The following TBX15 variants were observed in gnomAD, a reference collection of about 807,000 sequenced individuals.
The protein encoded by TBX15 is T-box transcription factor 15.
TBX15 carries 18 observed loss-of-function variants against 53.9 expected under a neutral mutation model. The observed-to-expected ratio is 0.33, with a 90% CI of 0.23 to 0.49. The LOEUF (loss-of-function observed/expected upper bound fraction) is 0.49, where lower values mean the gene tolerates loss of function less well. TBX15 is among the 20% of genes least tolerant of loss of function. The pLI, the probability that TBX15 is intolerant of heterozygous loss-of-function variation, is 0.98. For missense variants in TBX15, 692 were observed against 749.5 expected (o/e 0.92, Z 0.90); for synonymous variants, 295 against 278.0 (o/e 1.06, Z -0.61).
chr1:118,952,390 G>A (rs557547808), intron 1 of TBX15, among the ~76,000 whole-genome samples: 3 of 151,866 alleles, frequency 2.0e-5, no homozygotes, highest in East Asian at 3.9e-4. Flanking sequence ...TTTTTCAAGG[G>A]TCAATAATAC....
Position 118,884,611 on chromosome 1 carries a change from A to T in TBX15, c.*121T>A. The T allele has an allele frequency of 8.0e-7, 1 of 1,256,932 alleles. No individual in the cohort carries two copies. The highest frequency in any genetic ancestry group is 1.1e-6 in the Non-Finnish European group (1 of 923,468). The allele number at this position is 1,256,932 out of a possible 1,614,324, so 77.9% of individuals were successfully genotyped here. A position where few individuals can be genotyped will look rare whatever the true frequency, so the allele number is the denominator to read the frequency against. On this transcript the variant is annotated 3_prime_UTR_variant, in exon 8 of 8. Transcript: ENST00000369429. ...GGGTATATGTCTTCGGCCAGAAAAA[A>T]AAAAAAAAAAAAAACACGGTTCCTG...
At position 118,884,546 on chromosome 1, in the gene TBX15, G is replaced by T. The variant is rs771555987; in HGVS notation, c.*186C>A. ...CCACTGAGTTGCGGATGATTCTATC[G>T]CAAGTATCCTTCACTGGCTTAAAGG... On this transcript the variant is annotated 3_prime_UTR_variant, in exon 8 of 8. Coordinates refer to ENST00000369429, the MANE Select transcript of TBX15 (RefSeq NM_001330677.2). 5.6e-5 allele frequency: 39 copies of T among 698,318 alleles called. No homozygotes were observed. The highest frequency in any genetic ancestry group is 7.9e-5 in the Non-Finnish European group (34 of 432,040). 43.3% of individuals were successfully genotyped at this position (698,318 alleles called of 1,614,324 possible). A position where few individuals can be genotyped will look rare whatever the true frequency, so the allele number is the denominator to read the frequency against.
At chr1:118,962,546 G>C (rs542946367) in intron 1 of TBX15, among the ~76,000 whole-genome samples, 1 of 152,038 alleles carries the variant, frequency 6.6e-6, no homozygotes, top group Non-Finnish European at 1.5e-5. Context: ...AACTGATAAG[G>C]CTTCATGAAC....
At chr1:118,971,035 T>C (rs1206836423) in intron 1 of TBX15, among the ~76,000 whole-genome samples, 2 of 152,206 alleles carry the variant, frequency 1.3e-5, no homozygotes, top group African/African-American at 4.8e-5. Context: ...TAGTTTCAGA[T>C]TGCTTTTTAT....
At chr1:118,905,558 C>T (rs546511058) in intron 6 of TBX15, among the ~76,000 whole-genome samples, 9 of 152,354 alleles carry the variant, frequency 5.9e-5, no homozygotes, top group African/African-American at 2.2e-4. Flanking sequence ...CTGCCAGAAT[C>T]CAGCACAGGG....
intron 6 of TBX15, among the ~76,000 whole-genome samples, chr1:118,912,829 A>T (rs1307616164): frequency 1.3e-5 from 2 of 152,198 alleles, no homozygotes; most frequent in Non-Finnish European, 2.9e-5. Context: ...TGTAGTCCAT[A>T]AGCCTGAGTT....
chr1:118,906,392 G>T (rs993680498), intron 6 of TBX15, among the ~76,000 whole-genome samples: 11 of 152,068 alleles, frequency 7.2e-5, no homozygotes, highest in African/African-American at 2.7e-4. Context: ...AAACAAACTG[G>T]CCCTGGGATT....
intron 1 of TBX15, among the ~76,000 whole-genome samples, chr1:118,987,215 G>A (rs959159744): frequency 6.6e-6 from 1 of 152,198 alleles, no homozygotes; most frequent in Non-Finnish European, 1.5e-5. Context: ...CAGTCCTCCC[G>A]AGTTCTCAGA....
Position 118,939,210 on chromosome 1 carries a change from C to A in TBX15, c.206-7378G>T, listed in dbSNP as rs539690908. Among the ~76,000 whole-genome samples, 5 of 151,678 alleles carry A rather than the reference C, an allele frequency of 3.3e-5. No homozygotes were observed. The East Asian group carries it at 9.7e-4, about 29-fold the overall frequency. ...TCGCTTGAGCCCAGGAGTTTGAGACCAGCCTGGGCAACATGGCAAAGCCCT... is the reference window on the plus strand; with the variant it reads ...TCGCTTGAGCCCAGGAGTTTGAGACAAGCCTGGGCAACATGGCAAAGCCCT... On this transcript the variant is annotated intron_variant, in intron 1 of 7. Coordinates refer to ENST00000369429, the MANE Select transcript of TBX15 (RefSeq NM_001330677.2).
intron 7 of TBX15, among the ~76,000 whole-genome samples, chr1:118,896,647 G>A (rs1654438412): frequency 1.3e-5 from 2 of 152,122 alleles, no homozygotes; most frequent in Non-Finnish European, 2.9e-5. Context: ...TCATTAAAAG[G>A]GAATTGCTGT....
intron 7 of TBX15, among the ~76,000 whole-genome samples, chr1:118,890,578 AC>A (rs2101454286): frequency 6.6e-6 from 1 of 152,298 alleles, no homozygotes; most frequent in South Asian, 2.1e-4. Context: ...GGCCAAAATA[AC>A]CAAAAAGGAT....
At chr1:118,978,329 A>T (rs1036918695) in intron 1 of TBX15, among the ~76,000 whole-genome samples, 1 of 152,220 alleles carries the variant, frequency 6.6e-6, no homozygotes, top group African/African-American at 2.4e-5. Context: ...CAAAGTAAGG[A>T]TGGGTCAAGT....
chr1:118,958,695 G>A (rs1264144058), intron 1 of TBX15, among the ~76,000 whole-genome samples: 2 of 152,028 alleles, frequency 1.3e-5, no homozygotes, highest in African/African-American at 4.8e-5. Flanking sequence ...TCCCAGAGAA[G>A]TAGCTAAACC....
intron 1 of TBX15, among the ~76,000 whole-genome samples, chr1:118,984,464 C>T (rs909832057): frequency 3.3e-5 from 5 of 152,262 alleles, no homozygotes; most frequent in Non-Finnish European, 7.3e-5. Context: ...GGGCTGAGGT[C>T]CGAGCGCAGA....
At chr1:118,949,734 G>T (rs1179622670) in intron 1 of TBX15, among the ~76,000 whole-genome samples, 3 of 152,196 alleles carry the variant, frequency 2.0e-5, no homozygotes, top group Admixed American at 2.0e-4. Flanking sequence ...TACTTTTCCT[G>T]CCTTTCCATC....
chr1:118,899,718 AG>A (rs1024092965), intron 6 of TBX15, among the ~76,000 whole-genome samples: 1 of 152,222 alleles, frequency 6.6e-6, no homozygotes, highest in African/African-American at 2.4e-5. Context: ...AGATAAAGAA[AG>A]GGCTTGGTCT....
At chr1:118,956,894 C>T (rs1041944781) in intron 1 of TBX15, among the ~76,000 whole-genome samples, 14 of 150,648 alleles carry the variant, frequency 9.3e-5, no homozygotes, top group Admixed American at 6.6e-4. Context: ...ACCCGGGAGG[C>T]GGAGTTTGCA....
chr1:118,884,754 T>G lies in TBX15; in HGVS notation c.1787A>C (p.Gln596Pro), dbSNP rs770592627. ...CCTTTAAACCATGTGCACGGACATC[T>G]GGGAGGAGGAGCCTGGAACTGCCCC... Reference protein sequence around the residue: ...QYGAVPGSSSQMSVHMV With the variant: ...QYGAVPGSSSPMSVHMV The change falls in exon 8 of 8, where the codon CAG becomes CCG. Residue 596 changes from glutamine (Q) to proline (P), a missense_variant. Physicochemically the swap from Gln to Pro is moderately conservative, Grantham distance 76. Transcript: ENST00000369429. 6.2e-7 allele frequency: 1 copy of G among 1,614,072 alleles called. No homozygotes were observed. The highest frequency in any genetic ancestry group is 2.2e-5 in the East Asian group (1 of 44,858).
chr1:118,918,773 G>T (rs1779431), intron 5 of TBX15, among the ~76,000 whole-genome samples: 101,030 of 151,916 alleles, frequency 0.67, 33,948 homozygotes, highest in East Asian at 0.79. Flanking sequence ...GTTAATAAAT[G>T]AGGTATACTT....
Sources: gnomAD v4.1 joint callset for allele counts (sites outside exome capture counted in the v4.1 genomes callset) on GRCh38, gnomAD v4.1.1 for gene constraint, MANE v1.5 for transcripts, NCBI Gene and HGNC (gene_info 2026-07-23, HGNC 2026-07-21) for gene names.